MGAT4C: variants seen among roughly 807,000 people sequenced by gnomAD.
MGAT4C encodes alpha-1,3-mannosyl-glycoprotein 4-beta-N-acetylglucosaminyltransferase C.
Under a neutral mutation model 40.1 loss-of-function variants are expected in MGAT4C, and 19 were observed. The observed-to-expected ratio is 0.47, with a 90% CI of 0.33 to 0.70. The LOEUF (loss-of-function observed/expected upper bound fraction) is 0.70. Among genes scored for constraint, MGAT4C ranks in the 30% least tolerant of loss-of-function variants. MGAT4C has a pLI of 0.02. For missense variants in MGAT4C, 491 were observed against 563.2 expected (o/e 0.87, Z 1.30); for synonymous variants, 181 against 187.1 (o/e 0.97, Z 0.27).
intron 2 of MGAT4C, among the ~76,000 whole-genome samples, chr12:86,595,338 C>T (rs1195385571): frequency 6.6e-6 from 1 of 152,054 alleles, no homozygotes; most frequent in East Asian, 1.9e-4. Context: ...CGAGACCAGC[C>T]TGGCCAACAT....
chr12:86,553,415 A>T (rs898739780), intron 2 of MGAT4C, among the ~76,000 whole-genome samples: 1 of 151,834 alleles, frequency 6.6e-6, no homozygotes, highest in Non-Finnish European at 1.5e-5. Flanking sequence ...ATTATCCTGA[A>T]TCAATAAAGC....
At chr12:86,628,473 A>AGC (rs149663748) in intron 2 of MGAT4C, among the ~76,000 whole-genome samples, 4 of 152,036 alleles carry the variant, frequency 2.6e-5, no homozygotes, top group Non-Finnish European at 5.9e-5. Context: ...AATGAAGGAA[A>AGC]AAATGTTAAG....
At chr12:86,112,920 A>G (rs955757890) in intron 1 of MGAT4C, among the ~76,000 whole-genome samples, 1 of 151,820 alleles carries the variant, frequency 6.6e-6, no homozygotes, top group East Asian at 1.9e-4. Flanking sequence ...ATTGGAAGCC[A>G]GTGAAATTCT....
chr12:85,957,060 C>T lies in MGAT4C; in HGVS notation c.*22229G>A, dbSNP rs1882831377. 6.6e-6 allele frequency: 1 copy of T among 152,134 alleles called. No individual in the cohort carries two copies. The allele number at this position is 152,134 out of a possible 1,614,324, so 9.4% of individuals were successfully genotyped here. ...AGAGTATGTAGATGCGAGCCCTTTGCTGCTGGCAAAGCTTTAAAAATATGT... is the reference window on the plus strand; with the variant it reads ...AGAGTATGTAGATGCGAGCCCTTTGTTGCTGGCAAAGCTTTAAAAATATGT... On this transcript the variant is annotated 3_prime_UTR_variant, in exon 5 of 5. Transcript: ENST00000611864.
At chr12:86,280,108 T>G (rs931106233) in intron 4 of MGAT4C, among the ~76,000 whole-genome samples, 4 of 152,102 alleles carry the variant, frequency 2.6e-5, no homozygotes, top group Non-Finnish European at 4.4e-5. Context: ...CTGCAGCCCT[T>G]GAATGAAATA....
intron 4 of MGAT4C, among the ~76,000 whole-genome samples, chr12:86,308,839 G>T (rs1052522026): frequency 6.6e-6 from 1 of 150,398 alleles, no homozygotes; most frequent in Non-Finnish European, 1.5e-5. Flanking sequence ...AATTTTTGAT[G>T]TCAGATTGTG....
chr12:86,754,595 G>T (rs1457772260), intron 1 of MGAT4C, among the ~76,000 whole-genome samples: 1 of 152,068 alleles, frequency 6.6e-6, no homozygotes, highest in African/African-American at 2.4e-5. Context: ...CCTGAGAAGA[G>T]ATATTTTTCC....
At chr12:86,502,038 C>T (rs527560782) in intron 2 of MGAT4C, among the ~76,000 whole-genome samples, 1 of 152,078 alleles carries the variant, frequency 6.6e-6, no homozygotes, top group African/African-American at 2.4e-5. Flanking sequence ...AAAATTAGGA[C>T]TCATGATAGA....
intron 2 of MGAT4C, among the ~76,000 whole-genome samples, chr12:86,725,708 C>T (rs1950810540): frequency 6.6e-6 from 1 of 152,008 alleles, no homozygotes; most frequent in Non-Finnish European, 1.5e-5. Context: ...GGAAATCTGC[C>T]CGCCTTGGAC....
chr12:86,320,147 G>C lies in MGAT4C; in HGVS notation c.-57+13918C>G, dbSNP rs1954345326. 2.0e-5 allele frequency among the ~76,000 whole-genome samples: 3 copies of C among 151,958 alleles called. 1 individual carries two copies. In the South Asian group the frequency reaches 6.2e-4, roughly 31 times the overall value. On this transcript the variant is annotated intron_variant, in intron 4 of 7. Coordinates refer to the MGAT4C transcript ENST00000548651. ...GTCTTCTTCTAAATCCACTTCTCTT[G>C]TATTTCTTTTTTTACTCTCAGCTTG...
chr12:86,165,893 A>G (rs1485717665), intron 1 of MGAT4C, among the ~76,000 whole-genome samples: 1 of 152,190 alleles, frequency 6.6e-6, no homozygotes, highest in Non-Finnish European at 1.5e-5. Flanking sequence ...TTTAGTGGAC[A>G]TAGTAGAGCT....
At chr12:86,733,247 A>T (rs981186913) in intron 1 of MGAT4C, among the ~76,000 whole-genome samples, 18 of 152,124 alleles carry the variant, frequency 1.2e-4, no homozygotes, top group African/African-American at 4.3e-4. Context: ...ACAGTTTGGA[A>T]TTCTAAAAAT....
intron 2 of MGAT4C, among the ~76,000 whole-genome samples, chr12:86,529,855 A>G (rs1208451576): frequency 2.0e-5 from 3 of 151,978 alleles, no homozygotes; most frequent in Non-Finnish European, 4.4e-5. Context: ...AAAAATCTGT[A>G]CATGTTCAAG....
intron 2 of MGAT4C, among the ~76,000 whole-genome samples, chr12:86,019,732 T>G (rs1008483070): frequency 6.6e-6 from 1 of 152,130 alleles, no homozygotes; most frequent in African/African-American, 2.4e-5. Flanking sequence ...GTGAAGAAAG[T>G]CATTAGTAGC....
chr12:86,212,924 A>C (rs889386739), intron 1 of MGAT4C, among the ~76,000 whole-genome samples: 1 of 143,674 alleles, frequency 7.0e-6, no homozygotes, highest in Non-Finnish European at 1.5e-5. Context: ...AAAAAAAAGA[A>C]CACTCATTAA....
intron 1 of MGAT4C, among the ~76,000 whole-genome samples, chr12:86,744,671 T>C (rs1035030368): frequency 1.3e-5 from 2 of 151,558 alleles, no homozygotes; most frequent in Non-Finnish European, 3.0e-5. Flanking sequence ...CAAGGTGCTT[T>C]ATTATGAAAT....
chr12:86,010,131 C>T (rs1316039881), intron 2 of MGAT4C, among the ~76,000 whole-genome samples: 1 of 151,900 alleles, frequency 6.6e-6, no homozygotes, highest in Non-Finnish European at 1.5e-5. Flanking sequence ...ATTAAAAATA[C>T]AAGAAGATAG....
chr12:86,476,111 G>A (rs61950767), intron 2 of MGAT4C, among the ~76,000 whole-genome samples: 15,793 of 152,038 alleles, frequency 0.1, 1,030 homozygotes, highest in Middle Eastern at 0.25. Flanking sequence ...CAAATTTTCA[G>A]TATAAAATAC....
chr12:86,078,765 A>T (rs1870273935), intron 1 of MGAT4C, among the ~76,000 whole-genome samples: 1 of 152,136 alleles, frequency 6.6e-6, no homozygotes, highest in African/African-American at 2.4e-5. Flanking sequence ...GGGCGATGAC[A>T]GGGGTGGCTG....
Sources: gnomAD v4.1 joint callset for allele counts (sites outside exome capture counted in the v4.1 genomes callset) on GRCh38, gnomAD v4.1.1 for gene constraint, MANE v1.5 for transcripts, NCBI Gene and HGNC (gene_info 2026-07-23, HGNC 2026-07-21) for gene names.